ERC1: variants seen among roughly 807,000 people sequenced by gnomAD.
ERC1 encodes the protein ELKS/RAB6-interacting/CAST family member 1.
In ERC1, 56 loss-of-function variants were observed where a neutral mutation model predicts 132.0. The ratio of observed to expected loss-of-function variants is 0.42; its 90% CI spans 0.34 to 0.53. The LOEUF is 0.53. Ranked by LOEUF, ERC1 falls within the 20% of genes least tolerant of loss-of-function variation. The pLI is 0.03. For synonymous variants in ERC1, 478 were observed against 476.1 expected (o/e 1.00, Z -0.05); for missense variants, 1,202 against 1,349.9 (o/e 0.89, Z 1.72).
At chr12:1,038,003 C>T (rs982149621) in intron 2 of ERC1, among the ~76,000 whole-genome samples, 1 of 151,436 alleles carries the variant, frequency 6.6e-6, no homozygotes, top group Non-Finnish European at 1.5e-5. Context: ...CGAGATTGCG[C>T]CACTGCACTC....
At chr12:1,411,804 T>A (rs1432737607) in intron 17 of ERC1, among the ~76,000 whole-genome samples, 1 of 152,174 alleles carries the variant, frequency 6.6e-6, no homozygotes, top group African/African-American at 2.4e-5. Flanking sequence ...TGGACATGAT[T>A]ATATTTTTGT....
chr12:1,065,040 GC>G (rs1593056807), intron 2 of ERC1, among the ~76,000 whole-genome samples: 1 of 150,896 alleles, frequency 6.6e-6, no homozygotes, highest in Admixed American at 6.6e-5. Context: ...TCGCTCTGTT[GC>G]CCAGGCTGGA....
At chr12:1,388,374 C>T (rs118186282) in intron 16 of ERC1, among the ~76,000 whole-genome samples, 4,503 of 149,562 alleles carry the variant, frequency 0.03, 78 homozygotes, top group Middle Eastern at 0.072. Context: ...AAAAATTAGC[C>T]TCATGAATGA....
At chr12:1,400,670 A>T (rs1009905923) in intron 16 of ERC1, among the ~76,000 whole-genome samples, 2 of 152,090 alleles carry the variant, frequency 1.3e-5, no homozygotes, top group East Asian at 3.9e-4. Context: ...GTCCCACACC[A>T]TGGGATGAAA....
intron 14 of ERC1, among the ~76,000 whole-genome samples, chr12:1,274,556 G>C (rs760151090): frequency 6.6e-6 from 1 of 151,596 alleles, no homozygotes; most frequent in African/African-American, 2.4e-5. Flanking sequence ...GCAGTGGTGC[G>C]GTCTTGGCTT....
At position 1,320,837 on chromosome 12, in the gene ERC1, G is replaced by A. The variant is rs182958782; in HGVS notation, c.2780+30825G>A. On this transcript the variant is annotated intron_variant, in intron 15 of 18. Transcript: ENST00000360905. Reference sequence around the variant, plus strand: ...CTGCCTCAGCCTCCCGAGTAGCTGGGACTACAGGCGCCCGCCACCACGCCC... The same window carrying A: ...CTGCCTCAGCCTCCCGAGTAGCTGGAACTACAGGCGCCCGCCACCACGCCC... 3.8e-3 allele frequency among the ~76,000 whole-genome samples: 579 copies of A among 152,268 alleles called. 6 individuals carry two copies. The highest frequency in any genetic ancestry group is 0.013 in the African/African-American group (559 of 41,554).
At chr12:1,238,884 G>T (rs1243002754) in intron 13 of ERC1, among the ~76,000 whole-genome samples, 1 of 151,890 alleles carries the variant, frequency 6.6e-6, no homozygotes, top group Non-Finnish European at 1.5e-5. Context: ...TTACCTATAG[G>T]GAAAACTAAT....
intron 4 of ERC1, among the ~76,000 whole-genome samples, chr12:1,106,610 T>C (rs192231838): frequency 1.3e-5 from 2 of 152,290 alleles, no homozygotes; most frequent in Admixed American, 1.3e-4. Flanking sequence ...GGGTTCTTTG[T>C]AGTTAATTGG....
At chr12:1,063,523 A>G (rs10848431) in intron 2 of ERC1, among the ~76,000 whole-genome samples, 1 of 151,930 alleles carries the variant, frequency 6.6e-6, no homozygotes, top group Non-Finnish European at 1.5e-5. Context: ...TGGCCTCCCA[A>G]AGTGCTGGGA....
At chr12:1,008,760 C>G (rs771594578) in intron 1 of ERC1, among the ~76,000 whole-genome samples, 8 of 152,022 alleles carry the variant, frequency 5.3e-5, no homozygotes, top group Non-Finnish European at 1.0e-4. Flanking sequence ...TTTATATGCC[C>G]AGGTTATTCC....
chr12:1,059,803 T>G (rs190132499), intron 2 of ERC1, among the ~76,000 whole-genome samples: 3 of 152,340 alleles, frequency 2.0e-5, no homozygotes, highest in Admixed American at 2.0e-4. Flanking sequence ...TTTTGTTGTT[T>G]CTGTACCCTT....
At chr12:1,037,104 T>C (rs1031767295) in intron 2 of ERC1, among the ~76,000 whole-genome samples, 2 of 152,210 alleles carry the variant, frequency 1.3e-5, no homozygotes, top group African/African-American at 2.4e-5. Flanking sequence ...ATCTGGAATG[T>C]AGTGAAGTAT....
chr12:1,468,626 G>C (rs1178844146), intron 18 of ERC1, among the ~76,000 whole-genome samples: 1 of 151,584 alleles, frequency 6.6e-6, no homozygotes, highest in Non-Finnish European at 1.5e-5. Context: ...AAAAGAGAGA[G>C]AGAGGAAAGG....
intron 2 of ERC1, among the ~76,000 whole-genome samples, chr12:1,057,111 G>C (rs887731541): frequency 6.6e-6 from 1 of 152,064 alleles, no homozygotes; most frequent in African/African-American, 2.4e-5. Flanking sequence ...TGGATCATAT[G>C]CTTGTTTTAT....
intron 12 of ERC1, among the ~76,000 whole-genome samples, chr12:1,205,144 G>C (rs1221052179): frequency 6.6e-6 from 1 of 152,096 alleles, no homozygotes; most frequent in Admixed American, 6.5e-5. Context: ...AGTTGAAAAA[G>C]CACAAGTGCA....
chr12:1,204,405 A>G (rs911966419), intron 12 of ERC1: 5 of 1,021,076 alleles, frequency 4.9e-6, no homozygotes, highest in Admixed American at 2.0e-5. Flanking sequence ...CCTGCATTTT[A>G]TGATGTCCAT....
chr12:995,182 A>G (rs1960566247), intron 1 of ERC1, among the ~76,000 whole-genome samples: 1 of 151,818 alleles, frequency 6.6e-6, no homozygotes, highest in Non-Finnish European at 1.5e-5. Flanking sequence ...ACTTGAACCT[A>G]GGGGTTCGAG....
intron 8 of ERC1, among the ~76,000 whole-genome samples, chr12:1,157,262 G>A (rs889624110): frequency 5.9e-5 from 9 of 152,188 alleles, no homozygotes; most frequent in African/African-American, 2.2e-4. Flanking sequence ...ACACCACCAT[G>A]TCCAGCTAAT....
At chr12:1,300,987 C>T (rs1243162774) in intron 15 of ERC1, among the ~76,000 whole-genome samples, 4 of 151,980 alleles carry the variant, frequency 2.6e-5, no homozygotes, top group Non-Finnish European at 5.9e-5. Flanking sequence ...ATCATATATA[C>T]ATCATGAAAT....
Sources: allele counts gnomAD v4.1 joint callset (sites outside exome capture counted in the v4.1 genomes callset), GRCh38; gene constraint gnomAD v4.1.1; transcripts MANE v1.5; gene names NCBI Gene and HGNC (gene_info 2026-07-23, HGNC 2026-07-21).